The following LAMP1 variants were observed in gnomAD, a reference collection of about 807,000 sequenced individuals.
The protein encoded by LAMP1 is lysosome associated membrane protein 1.
A neutral mutation model predicts 37.5 loss-of-function variants in LAMP1; 7 were observed. That is an observed-to-expected ratio of 0.19 (90% CI 0.11 to 0.35). LAMP1 has a LOEUF of 0.35. LAMP1 is among the 10% of genes least tolerant of loss of function. The probability of loss-of-function intolerance (pLI) is 1.00; values close to 1 mark genes in which losing one functional copy is unlikely to be tolerated. For synonymous variants in LAMP1, 236 were observed against 229.1 expected (o/e 1.03, Z -0.27); for missense variants, 537 against 552.8 (o/e 0.97, Z 0.29).
At chr13:113,313,278 G>A (rs1251529222) in intron 4 of LAMP1, among the ~76,000 whole-genome samples, 5 of 152,206 alleles carry the variant, frequency 3.3e-5, no homozygotes, top group African/African-American at 1.2e-4. Context: ...AGAGAAGCTT[G>A]CTAGGTTCTT....
chr13:113,307,220 C>T (rs1462741279), intron 2 of LAMP1, among the ~76,000 whole-genome samples: 2 of 147,720 alleles, frequency 1.4e-5, no homozygotes, highest in Non-Finnish European at 3.0e-5. Context: ...TGCAGTGGTA[C>T]GATCTGAGCT....
intron 4 of LAMP1, among the ~76,000 whole-genome samples, chr13:113,315,992 A>C (rs1015145589): frequency 1.3e-5 from 2 of 152,024 alleles, no homozygotes; most frequent in Admixed American, 6.5e-5. Context: ...AGTCCCCCCT[A>C]CTCAGGAGGC....
In LAMP1 at chr13:113,320,376, A is replaced by G. The variant is rs1469959940; in HGVS notation, c.782A>G (p.Asn261Ser). The change falls in exon 6 of 9, where the codon AAC becomes AGC. Residue 261 changes from asparagine (N) to serine (S), a missense_variant. Physicochemically the swap from Asn to Ser is conservative, Grantham distance 46. Transcript: ENST00000332556. This position sits in a 1 kb window ranked among gnomAD's most constrained non-coding sequence, Gnocchi z 4.4. ...ACAAGGCTTCTCAACATCAACCCCA[A>G]CAAGACCTCGGCCAGCGGGAGCTGC... ...TVTRLLNINP[N>S]KTSASGSCGA... The G allele has an allele frequency of 1.9e-6, 3 of 1,613,932 alleles. No homozygotes were observed. Among genetic ancestry groups the G allele is most frequent in the Non-Finnish European group, 1.7e-6 (2 of 1,180,026 alleles).
chr13:113,304,713 G>A (rs2042589908), intron 1 of LAMP1, among the ~76,000 whole-genome samples: 1 of 151,774 alleles, frequency 6.6e-6, no homozygotes, highest in South Asian at 2.1e-4. Context: ...CTGGAGGGCA[G>A]TGGTGCAATC....
chr13:113,320,565 A>G lies in LAMP1; in HGVS notation c.876+95A>G, dbSNP rs1305328165. 3 of 1,383,298 alleles carry G rather than the reference A, an allele frequency of 2.2e-6. No individual in the cohort carries two copies. Among genetic ancestry groups the G allele is most frequent in the Non-Finnish European group, 2.9e-6 (3 of 1,019,268 alleles). The allele number at this position is 1,383,298 out of a possible 1,614,324, so 85.7% of individuals were successfully genotyped here. Reference sequence around the variant, plus strand: ...CTGCTCATGGGAGGCAGCGTTAGGAAGGAGGCGGCCTCACTTTTTTCTGCC... The same window carrying G: ...CTGCTCATGGGAGGCAGCGTTAGGAGGGAGGCGGCCTCACTTTTTTCTGCC... On this transcript the variant is annotated intron_variant, in intron 6 of 8. Transcript: ENST00000332556. The surrounding 1 kb of genome is among the most constrained non-coding windows in gnomAD (Gnocchi z 4.4).
rs2042550730 is a variant in LAMP1, at chr13:113,297,786, A to C, written c.61+291A>C. ...TTCTGTGGTGGTGAGTGCGAAAGGG[A>C]ACTTCCGATGGCTTGCTCGGCGGTC... On this transcript the variant is annotated intron_variant, in intron 1 of 8. Coordinates refer to ENST00000332556, the MANE Select transcript of LAMP1 (RefSeq NM_005561.4). This position sits in a 1 kb window ranked among gnomAD's most constrained non-coding sequence, Gnocchi z 4.4. Among the ~76,000 whole-genome samples the C allele has an allele frequency of 6.6e-6, 1 of 152,074 alleles. No homozygotes were observed. The highest frequency in any genetic ancestry group is 2.1e-4 in the South Asian group (1 of 4,824).
intron 1 of LAMP1, among the ~76,000 whole-genome samples, chr13:113,301,666 T>C (rs1300399970): frequency 9.0e-5 from 1 of 11,128 alleles, no homozygotes; most frequent in Non-Finnish European, 5.5e-4. Flanking sequence ...TATATATATA[T>C]ATATATATAT....
At position 113,309,626 on chromosome 13, in the gene LAMP1, A is replaced by C; in HGVS notation, c.184-17A>C. Reference sequence around the variant, plus strand: ...CCTGCATCCCAATTGGGTTACATTTAATTGTGTTTATTCTAGAACATGACC... The same window carrying C: ...CCTGCATCCCAATTGGGTTACATTTCATTGTGTTTATTCTAGAACATGACC... On this transcript the variant is annotated splice_polypyrimidine_tract_variant and intron_variant, in intron 2 of 8. Transcript: ENST00000332556. 1 of 1,585,924 alleles carries C rather than the reference A, an allele frequency of 6.3e-7. No homozygotes were observed. Among genetic ancestry groups the C allele is most frequent in the Non-Finnish European group, 8.6e-7 (1 of 1,158,018 alleles).
chr13:113,311,160 G>A (rs930173805), intron 4 of LAMP1, among the ~76,000 whole-genome samples: 4 of 152,106 alleles, frequency 2.6e-5, no homozygotes, highest in African/African-American at 4.8e-5. Context: ...GGGAGTCGGC[G>A]GGGGGCGGGT....
chr13:113,304,119 A>C (rs1432630366), intron 1 of LAMP1, among the ~76,000 whole-genome samples: 3 of 152,222 alleles, frequency 2.0e-5, no homozygotes, highest in Admixed American at 2.0e-4. Context: ...GTGAAAAAAA[A>C]ATTGTATAAT....
chr13:113,300,012 C>T (rs1189966601), intron 1 of LAMP1, among the ~76,000 whole-genome samples: 1 of 152,152 alleles, frequency 6.6e-6, no homozygotes, highest in African/African-American at 2.4e-5. Context: ...AATAATTAGG[C>T]ATTGTTTAAA....
chr13:113,298,569 C>T (rs1288022428), intron 1 of LAMP1, among the ~76,000 whole-genome samples: 11 of 152,290 alleles, frequency 7.2e-5, no homozygotes, highest in Non-Finnish European at 4.4e-5. Context: ...TCAGTCCCAT[C>T]CAGCTGTAAA....
intron 8 of LAMP1, 128 bp from the exon 9 acceptor site, chr13:113,322,154 T>C: frequency 1.8e-6 from 2 of 1,100,288 alleles, no homozygotes; most frequent in South Asian, 1.6e-5. Flanking sequence ...CAATTCCAGC[T>C]AGAGCTGGAA....
chr13:113,305,594 AC>A (rs1427914935), intron 1 of LAMP1: 2 of 152,222 alleles, frequency 1.3e-5, no homozygotes, highest in African/African-American at 4.8e-5. Flanking sequence ...AGCTGGAAAG[AC>A]CTATAGAGCT....
At chr13:113,314,379 C>T (rs1262869777) in intron 4 of LAMP1, among the ~76,000 whole-genome samples, 72 of 51,568 alleles carry the variant, frequency 1.4e-3, no homozygotes, top group East Asian at 2.7e-3. Flanking sequence ...AGGGAACCAG[C>T]GTGGAGATGC....
At position 113,320,303 on chromosome 13, in the gene LAMP1, G is replaced by T; in HGVS notation, c.751-42G>T. ...TGTTTGTCTTTTCGAGAGTGTGGAGGACCTGAGCTAGGGTGGTGACTTGCT... is the reference window on the plus strand; with the variant it reads ...TGTTTGTCTTTTCGAGAGTGTGGAGTACCTGAGCTAGGGTGGTGACTTGCT... On this transcript the variant is annotated intron_variant, in intron 5 of 8. Coordinates refer to ENST00000332556, the MANE Select transcript of LAMP1 (RefSeq NM_005561.4). This position sits in a 1 kb window ranked among gnomAD's most constrained non-coding sequence, Gnocchi z 4.4. 6.2e-7 allele frequency: 1 copy of T among 1,611,954 alleles called. No homozygotes were observed. Among genetic ancestry groups the T allele is most frequent in the South Asian group, 1.1e-5 (1 of 91,030 alleles).
At chr13:113,310,612 C>A in intron 3 of LAMP1, 97 bp from the exon 4 acceptor site, 1 of 964,060 alleles carries the variant, frequency 1.0e-6, no homozygotes, top group Non-Finnish European at 1.5e-6. Flanking sequence ...GAAATCAAGA[C>A]TGGAATCTAT....
At chr13:113,306,675 A>G (rs2042600253) in intron 2 of LAMP1, 69 bp downstream of exon 2, 4 of 1,554,468 alleles carry the variant, frequency 2.6e-6, no homozygotes, top group African/African-American at 1.4e-5. Context: ...CATTTCAACC[A>G]AGTCTTTGAA....
At chr13:113,303,400 G>A (rs1233605695) in intron 1 of LAMP1, among the ~76,000 whole-genome samples, 1 of 152,176 alleles carries the variant, frequency 6.6e-6, no homozygotes, top group Non-Finnish European at 1.5e-5. Flanking sequence ...CAGGACTGCC[G>A]GAGATAGCAG....
Sources: gnomAD v4.1 joint callset for allele counts (sites outside exome capture counted in the v4.1 genomes callset) on GRCh38, gnomAD v4.1.1 for gene constraint, Gnocchi (gnomAD v3.1) non-coding constraint, MANE v1.5 for transcripts, NCBI Gene and HGNC (gene_info 2026-07-23, HGNC 2026-07-21) for gene names.